Variants in PDGFRL observed in about 807,000 individuals in gnomAD.
PDGFRL encodes platelet-derived growth factor receptor-like protein.
Under a neutral mutation model 37.2 loss-of-function variants are expected in PDGFRL, and 46 were observed. That is an observed-to-expected ratio of 1.24 (90% CI 0.98 to 1.58). PDGFRL has a LOEUF of 1.58. Ranked by LOEUF, PDGFRL falls within the 40% of genes most tolerant of loss-of-function variation. The probability of loss-of-function intolerance (pLI) is 0.00; values close to 1 mark genes in which losing one functional copy is unlikely to be tolerated. For missense variants in PDGFRL, 692 were observed against 467.6 expected (o/e 1.48, Z -4.43); for synonymous variants, 251 against 184.3 (o/e 1.36, Z -2.93).
chr8:17,584,913 C>T (rs1054589495), intron 1 of PDGFRL, among the ~76,000 whole-genome samples: 1 of 152,088 alleles, frequency 6.6e-6, no homozygotes, highest in African/African-American at 2.4e-5. Flanking sequence ...AGAGCAGCGG[C>T]ATGGACTGCT....
intron 2 of PDGFRL, among the ~76,000 whole-genome samples, chr8:17,611,430 G>T (rs1395503592): frequency 1.3e-5 from 2 of 152,204 alleles, no homozygotes; most frequent in Admixed American, 6.5e-5. Context: ...AAGGAAAGCT[G>T]ACTCCTGAGT....
Position 17,589,517 on chromosome 8 carries a change from G to A in PDGFRL, c.105G>A (p.Glu35=). The A allele has an allele frequency of 6.2e-7, 1 of 1,614,004 alleles. No homozygotes were observed. The highest frequency in any genetic ancestry group is 8.5e-7 in the Non-Finnish European group (1 of 1,179,878). Residue 35 remains glutamate, a synonymous_variant, in exon 2 of 6, where the codon GAG becomes GAA. Coordinates refer to ENST00000251630, the MANE Select transcript of PDGFRL (RefSeq NM_001372073.1). ...PKNKRPKEPG[E]NRIKPTNKKV... ...ACAAGCGTCCAAAAGAACCAGGAGA[G>A]AATAGAATCAAACCTACCAACAAGA...
At position 17,634,098 on chromosome 8, in the gene PDGFRL, C is replaced by T. The variant is rs769103926; in HGVS notation, c.824C>T (p.Thr275Ile). 19 of 1,613,894 alleles carry T rather than the reference C, an allele frequency of 1.2e-5. No individual in the cohort carries two copies. The highest frequency in any genetic ancestry group is 1.5e-5 in the Non-Finnish European group (18 of 1,179,864). Reference sequence around the variant, plus strand: ...GTTCCCAGTGGCCCTCCCTCAACAACCATCTTGGCTTCTTCAAACAAAGTG... The same window carrying T: ...GTTCCCAGTGGCCCTCCCTCAACAATCATCTTGGCTTCTTCAAACAAAGTG... Reference protein sequence around the residue: ...VAVPSGPPSTTILASSNKVKS... With the variant: ...VAVPSGPPSTIILASSNKVKS... Residue 275 changes from threonine (T) to isoleucine (I), a missense_variant, in exon 5 of 6, where the codon ACC becomes ATC. Coordinates refer to ENST00000251630, the MANE Select transcript of PDGFRL (RefSeq NM_001372073.1).
intron 1 of PDGFRL, among the ~76,000 whole-genome samples, chr8:17,582,105 G>T (rs533329938): frequency 6.6e-6 from 1 of 152,182 alleles, no homozygotes; most frequent in Non-Finnish European, 1.5e-5. Flanking sequence ...GTCTGAAATG[G>T]AAACAGATAA....
chr8:17,600,095 G>T (rs749339372), intron 2 of PDGFRL, among the ~76,000 whole-genome samples: 2 of 152,094 alleles, frequency 1.3e-5, no homozygotes, highest in Non-Finnish European at 2.9e-5. Flanking sequence ...AGGAGTCTCT[G>T]TCCTCATTGT....
rs1482482557 is a variant in PDGFRL, at chr8:17,628,506, A to C, written c.525A>C (p.Val175=). 1.2e-6 allele frequency: 2 copies of C among 1,613,572 alleles called. No homozygotes were observed. The highest frequency in any genetic ancestry group is 1.7e-5 in the Admixed American group (1 of 60,022). Residue 175 remains valine (V), a synonymous_variant, in exon 4 of 6, where the codon GTA becomes GTC. Coordinates refer to ENST00000251630, the MANE Select transcript of PDGFRL (RefSeq NM_001372073.1). ...IFFTEKGELF[V]PSPSYFDVVY... Reference sequence around the variant, plus strand: ...TTGCAGAGAAAGGAGAACTCTTTGTACCTTCTCCCAGCTACTTCGATGTTG... The same window carrying C: ...TTGCAGAGAAAGGAGAACTCTTTGTCCCTTCTCCCAGCTACTTCGATGTTG...
chr8:17,577,054 G>A (rs1304842822), upstream of PDGFRL: 36 of 651,912 alleles, frequency 5.5e-5, no homozygotes, highest in African/African-American at 1.8e-4. Flanking sequence ...CCGCCAGGGG[G>A]CAGGAGAAGT....
chr8:17,585,427 G>C (rs991574299), intron 1 of PDGFRL, among the ~76,000 whole-genome samples: 2 of 152,110 alleles, frequency 1.3e-5, no homozygotes, highest in East Asian at 1.9e-4. Flanking sequence ...GAAAGGAAGA[G>C]AGAAAGGAAG....
chr8:17,579,064 G>C (rs532208640), intron 1 of PDGFRL, among the ~76,000 whole-genome samples: 1 of 152,106 alleles, frequency 6.6e-6, no homozygotes, highest in Non-Finnish European at 1.5e-5. Context: ...CGGGCGTGGT[G>C]GTGGGCACGT....
intron 1 of PDGFRL, among the ~76,000 whole-genome samples, chr8:17,579,733 C>T (rs1390539664): frequency 3.3e-5 from 5 of 151,878 alleles, no homozygotes; most frequent in Non-Finnish European, 7.4e-5. Context: ...TGGGGGTGAA[C>T]ATCTGGCCTG....
At chr8:17,577,740 C>A (rs896777391) in intron 1 of PDGFRL, among the ~76,000 whole-genome samples, 4 of 151,570 alleles carry the variant, frequency 2.6e-5, no homozygotes, top group Admixed American at 1.3e-4. Flanking sequence ...ATCGCTGATT[C>A]GGTTGCAGAG....
intron 4 of PDGFRL, among the ~76,000 whole-genome samples, chr8:17,629,287 C>G (rs1344405032): frequency 2.6e-5 from 4 of 152,046 alleles, no homozygotes; most frequent in African/African-American, 9.7e-5. Flanking sequence ...GATGGATGTT[C>G]TCCTTCCTTG....
Position 17,623,549 on chromosome 8 carries a change from C to T in PDGFRL, c.505+2347C>T, listed in dbSNP as rs966808376. Among the ~76,000 whole-genome samples the T allele has an allele frequency of 1.8e-4, 27 of 152,164 alleles. 1 individual carries two copies. Among genetic ancestry groups the T allele is most frequent in the Non-Finnish European group, 2.9e-5 (2 of 68,038 alleles). On this transcript the variant is annotated intron_variant, in intron 3 of 5. Transcript: ENST00000251630. ...AAGTATTGGTCGAGGTTTTGAACTGCAGGCTTAGCTTGGGCAGAATATCCT... is the reference window on the plus strand; with the variant it reads ...AAGTATTGGTCGAGGTTTTGAACTGTAGGCTTAGCTTGGGCAGAATATCCT...
intron 1 of PDGFRL, among the ~76,000 whole-genome samples, chr8:17,581,250 C>T (rs914348110): frequency 2.2e-4 from 33 of 152,216 alleles, no homozygotes; most frequent in African/African-American, 7.7e-4. Flanking sequence ...TAGCTGACAG[C>T]AAAGCTGTGC....
intron 2 of PDGFRL, among the ~76,000 whole-genome samples, chr8:17,615,052 A>T (rs1804495319): frequency 6.6e-6 from 1 of 152,172 alleles, no homozygotes. Context: ...GCACATATTA[A>T]ACACTGCTTA....
intron 5 of PDGFRL, among the ~76,000 whole-genome samples, chr8:17,639,649 T>A (rs1044738367): frequency 9.2e-5 from 14 of 152,212 alleles, no homozygotes; most frequent in Non-Finnish European, 1.6e-4. Flanking sequence ...GAATCTGCTG[T>A]TAATCTGACA....
chr8:17,641,907 T>G (rs1805118282), intron 5 of PDGFRL, among the ~76,000 whole-genome samples: 1 of 688 alleles, frequency 1.5e-3, no homozygotes, highest in African/African-American at 3.0e-3. Context: ...CCCCGCCACA[T>G]TGCTATTTGG....
intron 2 of PDGFRL, among the ~76,000 whole-genome samples, chr8:17,595,231 C>T (rs990704578): frequency 6.6e-6 from 1 of 152,192 alleles, no homozygotes; most frequent in Non-Finnish European, 1.5e-5. Context: ...TCCCAAATGC[C>T]AGAGGGAGCC....
At chr8:17,615,243 C>G (rs1182719513) in intron 2 of PDGFRL, among the ~76,000 whole-genome samples, 2 of 152,004 alleles carry the variant, frequency 1.3e-5, no homozygotes, top group South Asian at 4.1e-4. Context: ...AACAGTGTAC[C>G]GTTTCTACTA....
Sources: allele counts gnomAD v4.1 joint callset (sites outside exome capture counted in the v4.1 genomes callset), GRCh38; gene constraint gnomAD v4.1.1; transcripts MANE v1.5; gene names NCBI Gene and HGNC (gene_info 2026-07-23, HGNC 2026-07-21).